The following LHFPL3 variants were observed in gnomAD, a reference collection of about 807,000 sequenced individuals.
LHFPL3 encodes LHFPL tetraspan subfamily member 3.
In LHFPL3, 5 loss-of-function variants were observed where a neutral mutation model predicts 19.3. The observed-to-expected ratio is 0.26, with a 90% confidence interval of 0.14 to 0.54. The LOEUF (loss-of-function observed/expected upper bound fraction) is 0.54. Ranked by LOEUF, LHFPL3 falls within the 20% of genes least tolerant of loss-of-function variation. The pLI, the probability that LHFPL3 is intolerant of heterozygous loss-of-function variation, is 0.94. For missense variants in LHFPL3, 249 were observed against 307.4 expected (o/e 0.81, Z 1.42); for synonymous variants, 133 against 126.2 (o/e 1.05, Z -0.36).
At chr7:104,390,451 C>G (rs919238155) in intron 1 of LHFPL3, among the ~76,000 whole-genome samples, 1 of 151,268 alleles carries the variant, frequency 6.6e-6, no homozygotes, top group Non-Finnish European at 1.5e-5. Context: ...GGTTTTCTGT[C>G]CTTGTGATAG....
intron 1 of LHFPL3, among the ~76,000 whole-genome samples, chr7:104,374,706 A>G (rs186710931): frequency 6.6e-6 from 1 of 152,260 alleles, no homozygotes; most frequent in East Asian, 1.9e-4. Flanking sequence ...TAGTTTTGGT[A>G]CCAAACTCTC....
At chr7:104,839,623 C>T (rs540405724) in intron 2 of LHFPL3, among the ~76,000 whole-genome samples, 1 of 152,036 alleles carries the variant, frequency 6.6e-6, no homozygotes, top group East Asian at 1.9e-4. Context: ...GAGCCAAGAT[C>T]GTGCCACTGC....
intron 2 of LHFPL3, chr7:104,799,455 G>A: frequency 6.6e-6 from 1 of 152,260 alleles, no homozygotes; most frequent in South Asian, 2.1e-4. Flanking sequence ...TTTGACAAAT[G>A]ACCCTTCTGG....
chr7:104,871,911 G>A (rs1791844331), intron 2 of LHFPL3, among the ~76,000 whole-genome samples: 2 of 152,050 alleles, frequency 1.3e-5, no homozygotes, highest in South Asian at 4.2e-4. Context: ...GCCCGCCTCG[G>A]CCTCCCAAAG....
At chr7:104,392,689 T>C (rs1791101551) in intron 1 of LHFPL3, among the ~76,000 whole-genome samples, 1 of 152,154 alleles carries the variant, frequency 6.6e-6, no homozygotes, top group South Asian at 2.1e-4. Flanking sequence ...ATCAGGATGA[T>C]GCTGGCCTCA....
At chr7:104,832,398 A>C (rs1479028288) in intron 2 of LHFPL3, among the ~76,000 whole-genome samples, 1 of 151,938 alleles carries the variant, frequency 6.6e-6, no homozygotes, top group Non-Finnish European at 1.5e-5. Flanking sequence ...GAGTGTATAC[A>C]ACAGAGGAGA....
intron 1 of LHFPL3, among the ~76,000 whole-genome samples, chr7:104,427,345 C>G (rs968421894): frequency 1.3e-5 from 2 of 152,190 alleles, no homozygotes; most frequent in African/African-American, 2.4e-5. Flanking sequence ...TCCACCTATA[C>G]TAAACTATCT....
At chr7:104,607,150 A>C (rs1791118482) in intron 1 of LHFPL3, among the ~76,000 whole-genome samples, 1 of 152,192 alleles carries the variant, frequency 6.6e-6, no homozygotes. Context: ...CATTTTGCAA[A>C]GGCAGTTTAG....
intron 1 of LHFPL3, among the ~76,000 whole-genome samples, chr7:104,576,025 G>T (rs1365469161): frequency 2.0e-5 from 3 of 152,070 alleles, no homozygotes; most frequent in Admixed American, 1.3e-4. Context: ...TATATCCTTA[G>T]AACTGCAGTG....
At chr7:104,787,853 A>G (rs1789949847) in intron 2 of LHFPL3, among the ~76,000 whole-genome samples, 1 of 152,064 alleles carries the variant, frequency 6.6e-6, no homozygotes, top group Admixed American at 6.6e-5. Context: ...TTATAAGAAC[A>G]CTAATCCCAT....
chr7:104,385,694 A>G (rs1016588564), intron 1 of LHFPL3, among the ~76,000 whole-genome samples: 25 of 133,190 alleles, frequency 1.9e-4, no homozygotes, highest in African/African-American at 6.2e-4. Flanking sequence ...AAGAAGTATA[A>G]TGAGTTTTAC....
chr7:104,661,631 C>A (rs1450089140), intron 1 of LHFPL3, among the ~76,000 whole-genome samples: 1 of 152,132 alleles, frequency 6.6e-6, no homozygotes, highest in African/African-American at 2.4e-5. Context: ...TCCCTCCTTA[C>A]CCCAGGGAAA....
intron 1 of LHFPL3, among the ~76,000 whole-genome samples, chr7:104,347,552 G>C (rs1790094629): frequency 6.6e-6 from 1 of 152,128 alleles, no homozygotes; most frequent in East Asian, 1.9e-4. Context: ...GACCATCGCT[G>C]TTTTACTCAC....
At chr7:104,576,450 G>C (rs968794596) in intron 1 of LHFPL3, among the ~76,000 whole-genome samples, 1 of 152,090 alleles carries the variant, frequency 6.6e-6, no homozygotes, top group Non-Finnish European at 1.5e-5. Context: ...GGGAGCTGGT[G>C]GTGATTATAA....
chr7:104,467,833 CA>C (rs1792823116), intron 1 of LHFPL3, among the ~76,000 whole-genome samples: 1 of 152,220 alleles, frequency 6.6e-6, no homozygotes, highest in South Asian at 2.1e-4. Context: ...TCCTCTCCTT[CA>C]TCCTGCTCCT....
intron 2 of LHFPL3, among the ~76,000 whole-genome samples, chr7:104,752,208 G>A (rs914810706): frequency 3.6e-4 from 54 of 152,066 alleles, no homozygotes; most frequent in African/African-American, 1.2e-3. Flanking sequence ...AACGTTTCAG[G>A]ATATATCACC....
chr7:104,676,838 C>T (rs879701949), intron 1 of LHFPL3, among the ~76,000 whole-genome samples: 1 of 152,198 alleles, frequency 6.6e-6, no homozygotes, highest in Admixed American at 6.5e-5. Context: ...AAAACTGGCT[C>T]ACTCTGACTC....
At chr7:104,817,546 A>G (rs1790579435) in intron 2 of LHFPL3, among the ~76,000 whole-genome samples, 1 of 152,142 alleles carries the variant, frequency 6.6e-6, no homozygotes, top group Non-Finnish European at 1.5e-5. Context: ...GGTCCATAGC[A>G]TACTCTTTAC....
At chr7:104,446,567 T>G (rs1353079631) in intron 1 of LHFPL3, among the ~76,000 whole-genome samples, 2 of 152,132 alleles carry the variant, frequency 1.3e-5, no homozygotes, top group Non-Finnish European at 2.9e-5. Context: ...TTTATTTTAT[T>G]TTTTTATTTT....
Sources: gnomAD v4.1 joint callset for allele counts (sites outside exome capture counted in the v4.1 genomes callset) on GRCh38, gnomAD v4.1.1 for gene constraint, MANE v1.5 for transcripts, NCBI Gene and HGNC (gene_info 2026-07-23, HGNC 2026-07-21) for gene names.